The following FAM47E variants were observed in gnomAD, a reference collection of about 807,000 sequenced individuals.
The protein encoded by FAM47E is family with sequence similarity 47 member E.
In FAM47E, 32 loss-of-function variants were observed where a neutral mutation model predicts 41.6. That is an observed-to-expected ratio of 0.77 (90% CI 0.58 to 1.03). The LOEUF is 1.03. FAM47E is among the 50% of genes least tolerant of loss of function. The pLI is 0.00. For synonymous variants in FAM47E, 184 were observed against 188.7 expected (o/e 0.98, Z 0.20); for missense variants, 424 against 485.4 (o/e 0.87, Z 1.19).
chr4:76,238,221 C>A (rs768182977), intron 2 of FAM47E, among the ~76,000 whole-genome samples: 19 of 152,118 alleles, frequency 1.2e-4, no homozygotes, highest in Non-Finnish European at 2.4e-4. Flanking sequence ...CACGGTTGAC[C>A]CAGGTCAGGC....
At chr4:76,270,720 A>G (rs1412926361) in intron 4 of FAM47E, among the ~76,000 whole-genome samples, 1 of 152,096 alleles carries the variant, frequency 6.6e-6, no homozygotes, top group African/African-American at 2.4e-5. Flanking sequence ...CCTGTGACCA[A>G]GCTCCCATCT....
chr4:76,233,655 A>C (rs1733531844), intron 2 of FAM47E, among the ~76,000 whole-genome samples: 1 of 152,104 alleles, frequency 6.6e-6, no homozygotes, highest in African/African-American at 2.4e-5. Flanking sequence ...AGGCAGGAGA[A>C]AACCCAGTCC....
chr4:76,276,609 C>T (rs1560752799), intron 5 of FAM47E, among the ~76,000 whole-genome samples: 1 of 152,148 alleles, frequency 6.6e-6, no homozygotes, highest in Non-Finnish European at 1.5e-5. Flanking sequence ...GTGATCCGCC[C>T]ACCTTGGCCT....
chr4:76,235,096 T>C (rs1237884096), intron 2 of FAM47E, among the ~76,000 whole-genome samples: 1 of 152,066 alleles, frequency 6.6e-6, no homozygotes, highest in Non-Finnish European at 1.5e-5. Flanking sequence ...GGCGGGCAGA[T>C]CACGAGGTCA....
At chr4:76,260,281 G>A (rs2110009210) in intron 2 of FAM47E, among the ~76,000 whole-genome samples, 1 of 152,212 alleles carries the variant, frequency 6.6e-6, no homozygotes. Flanking sequence ...AAAGAACAAA[G>A]CTGGGGTCAT....
At chr4:76,248,937 A>T (rs1183501794), upstream of FAM47E, among the ~76,000 whole-genome samples, 1 of 152,154 alleles carries the variant, frequency 6.6e-6, no homozygotes, top group East Asian at 1.9e-4. Flanking sequence ...TGGCCATTTC[A>T]TTCCCAAAAG....
chr4:76,237,142 G>A lies in FAM47E; in HGVS notation c.81+19454G>A, dbSNP rs1248015249. Among the ~76,000 whole-genome samples, 4 of 151,854 alleles carry A rather than the reference G, an allele frequency of 2.6e-5. 1 individual carries two copies. Among genetic ancestry groups the A allele is most frequent in the African/African-American group, 7.3e-5 (3 of 41,346 alleles). ...GATCTCCTGACCTCGTGATCCACCC[G>A]CCCCGGCCTCCCAAAGTGCTGGGCT... On this transcript the variant is annotated intron_variant, in intron 2 of 7. Coordinates refer to the FAM47E transcript ENST00000510197.
intron 4 of FAM47E, chr4:76,269,145 A>C (rs1009854112): frequency 5.0e-6 from 1 of 199,390 alleles, no homozygotes; most frequent in African/African-American, 2.4e-5. Context: ...GTACTCTGGC[A>C]GGTACTCCTT....
At chr4:76,270,739 A>C (rs1041858940) in intron 4 of FAM47E, among the ~76,000 whole-genome samples, 1 of 152,166 alleles carries the variant, frequency 6.6e-6, no homozygotes, top group African/African-American at 2.4e-5. Flanking sequence ...CTTTACTGTC[A>C]TCCCACAAGC....
At chr4:76,229,479 T>C (rs1049039644) in intron 2 of FAM47E, among the ~76,000 whole-genome samples, 12 of 152,198 alleles carry the variant, frequency 7.9e-5, no homozygotes, top group African/African-American at 2.9e-4. Flanking sequence ...ACTGTTTCAG[T>C]GGAAAAAGCT....
At chr4:76,248,162 T>C (rs1309552395), upstream of FAM47E, among the ~76,000 whole-genome samples, 1 of 151,840 alleles carries the variant, frequency 6.6e-6, no homozygotes, top group Non-Finnish European at 1.5e-5. Flanking sequence ...GATCCGCCCA[T>C]CTCAGCCTCC....
rs796189386 is a variant in FAM47E, at chr4:76,237,359, TTTTTTG to T, written c.81+19675_81+19680del. Among the ~76,000 whole-genome samples the T allele has an allele frequency of 7.5e-3, 877 of 116,354 alleles. 18 individuals carry two copies. The highest frequency in any genetic ancestry group is 0.024 in the African/African-American group (824 of 34,348). The allele number at this position is 116,354 out of a possible 152,430, so 76.3% of individuals were successfully genotyped here. On this transcript the variant is annotated intron_variant, in intron 2 of 7. Coordinates refer to the FAM47E transcript ENST00000510197. ...GGTTGAGGGGCCTTAGAGTTTTTTT[TTTTTTG>T]TTTGTTTGTTTGTTTTTTTTTTGGT...
At chr4:76,247,591 C>T (rs1181726365), upstream of FAM47E, among the ~76,000 whole-genome samples, 1 of 149,684 alleles carries the variant, frequency 6.7e-6, no homozygotes, top group Non-Finnish European at 1.5e-5. Flanking sequence ...ACATCCTCAC[C>T]AACACTTGTT....
chr4:76,271,667 C>A lies in FAM47E; in HGVS notation c.769C>A (p.Gln257Lys), dbSNP rs924496883. The A allele has an allele frequency of 1.3e-6, 2 of 1,552,026 alleles. No homozygotes were observed. The highest frequency in any genetic ancestry group is 1.7e-6 in the Non-Finnish European group (2 of 1,147,088). Residue 257 changes from glutamine (Q) to lysine (K), a missense_variant, in exon 5 of 8, where the codon CAG becomes AAG. By Grantham distance (53) the Gln-to-Lys change is moderately conservative. Transcript: ENST00000424749. ...HDALHTMKLN[Q>K]VPLELKRSVG... ...TGCGCTCCACACGATGAAGCTAAAT[C>A]AGGTTCCTCTGGAGCTAAAGCGTAG... is the stretch of plus-strand genomic sequence containing the variant.
intron 2 of FAM47E, among the ~76,000 whole-genome samples, chr4:76,232,508 T>C (rs989245150): frequency 3.9e-5 from 6 of 152,234 alleles, no homozygotes; most frequent in Non-Finnish European, 7.3e-5. Flanking sequence ...ACAAAGGAGT[T>C]TGGTTTTCTC....
At chr4:76,214,265 T>C in exon 1 of FAM47E, 1 of 455,838 alleles carries the variant, frequency 2.2e-6, no homozygotes, top group South Asian at 1.5e-5. Flanking sequence ...ACCAGGTGCC[T>C]GCTGAGATCA....
At chr4:76,278,045 T>C (rs1368707690) in intron 5 of FAM47E, 24 bp from the exon 6 acceptor site, 1 of 1,455,934 alleles carries the variant, frequency 6.9e-7, no homozygotes, top group Non-Finnish European at 9.1e-7. Context: ...TCAATGGCAC[T>C]GGGAATTATG....
intron 5 of FAM47E, among the ~76,000 whole-genome samples, chr4:76,277,800 C>T (rs982500908): frequency 2.0e-5 from 3 of 152,214 alleles, no homozygotes; most frequent in Non-Finnish European, 4.4e-5. Flanking sequence ...ATCATGGACT[C>T]CACCTACTAA....
At chr4:76,246,257 C>T (rs376616227) in intron 2 of FAM47E, among the ~76,000 whole-genome samples, 1 of 152,180 alleles carries the variant, frequency 6.6e-6, no homozygotes, top group East Asian at 1.9e-4. Context: ...AGATCAGCAA[C>T]TAAAGGAAGG....
Sources: allele counts gnomAD v4.1 joint callset (sites outside exome capture counted in the v4.1 genomes callset), GRCh38; gene constraint gnomAD v4.1.1; transcripts MANE v1.5; gene names NCBI Gene and HGNC (gene_info 2026-07-23, HGNC 2026-07-21).